Variants in DCAF6 observed in about 807,000 individuals in gnomAD.
DCAF6 encodes DDB1- and CUL4-associated factor 6.
A neutral mutation model predicts 125.1 loss-of-function variants in DCAF6; 54 were observed. The ratio of observed to expected loss-of-function variants is 0.43; its 90% CI spans 0.35 to 0.54. DCAF6 has a LOEUF of 0.54. Ranked by LOEUF, DCAF6 falls within the 20% of genes least tolerant of loss-of-function variation. The probability of loss-of-function intolerance (pLI) is 0.01; values close to 1 mark genes in which losing one functional copy is unlikely to be tolerated. For missense variants in DCAF6, 934 were observed against 1,161.7 expected (o/e 0.80, Z 2.85); for synonymous variants, 371 against 390.4 (o/e 0.95, Z 0.58).
intron 12 of DCAF6, 140 bp downstream of exon 12, chr1:168,023,187 A>ACCACCTATTGTAATTT: frequency 2.4e-6 from 2 of 848,126 alleles, no homozygotes; most frequent in Non-Finnish European, 3.8e-6. Context: ...AAATTACAAT[A>ACCACCTATTGTAATTT]GGTGGTATTG....
intron 1 of DCAF6, among the ~76,000 whole-genome samples, chr1:167,946,247 C>T (rs528902740): frequency 9.2e-5 from 14 of 152,124 alleles, no homozygotes; most frequent in African/African-American, 2.9e-4. Flanking sequence ...TGAGCTACCG[C>T]GCCTGGCAAA....
At chr1:167,995,781 G>A (rs1681581138) in intron 7 of DCAF6, among the ~76,000 whole-genome samples, 1 of 151,836 alleles carries the variant, frequency 6.6e-6, no homozygotes, top group African/African-American at 2.4e-5. Flanking sequence ...ACACATTTTG[G>A]TGTTTTATAC....
chr1:167,977,082 T>C (rs1335604564), intron 4 of DCAF6, among the ~76,000 whole-genome samples: 1 of 151,316 alleles, frequency 6.6e-6, no homozygotes. Flanking sequence ...TGTATTTTTT[T>C]TAGGAGAGAT....
At chr1:167,945,262 T>C (rs1171673799) in intron 1 of DCAF6, among the ~76,000 whole-genome samples, 1 of 152,182 alleles carries the variant, frequency 6.6e-6, no homozygotes, top group Non-Finnish European at 1.5e-5. Flanking sequence ...TGCAAAAAAT[T>C]AACTTGGTAT....
At chr1:167,972,739 A>G (rs1677528050) in intron 3 of DCAF6, among the ~76,000 whole-genome samples, 4 of 152,206 alleles carry the variant, frequency 2.6e-5, no homozygotes, top group Non-Finnish European at 5.9e-5. Flanking sequence ...GATCAACTGT[A>G]TGGGTGGATA....
chr1:168,033,339 C>T (rs1340255270), intron 12 of DCAF6, among the ~76,000 whole-genome samples: 2 of 135,478 alleles, frequency 1.5e-5, no homozygotes, highest in African/African-American at 5.7e-5. Context: ...GACGGAGTCT[C>T]GCTCTGTCGC....
chr1:167,953,503 T>G (rs1468421812), intron 2 of DCAF6, among the ~76,000 whole-genome samples: 2 of 152,252 alleles, frequency 1.3e-5, no homozygotes, highest in Non-Finnish European at 2.9e-5. Context: ...CACAAATTTA[T>G]TTTTTAAATT....
the DCAF6 span, among the ~76,000 whole-genome samples, chr1:167,899,914 C>T: frequency 6.6e-6 from 1 of 152,178 alleles, no homozygotes; most frequent in Admixed American, 6.5e-5. Flanking sequence ...ACCTTTTCTT[C>T]AATTATGTAT....
the DCAF6 span, chr1:167,878,603 T>A: frequency 3.1e-6 from 5 of 1,614,042 alleles, no homozygotes; most frequent in African/African-American, 6.7e-5. Context: ...TACATCATCA[T>A]CCTGGCAGCT....
intron 21 of DCAF6, among the ~76,000 whole-genome samples, chr1:168,072,628 G>A (rs1693256893): frequency 6.6e-6 from 1 of 152,050 alleles, no homozygotes; most frequent in Non-Finnish European, 1.5e-5. Flanking sequence ...CATAGTAGTT[G>A]CTTAACAAAT....
chr1:167,885,580 G>A, the DCAF6 span, among the ~76,000 whole-genome samples: 6 of 151,796 alleles, frequency 4.0e-5, no homozygotes, highest in Admixed American at 6.6e-5. Flanking sequence ...TCACATACTT[G>A]TTTGCCATTT....
chr1:167,958,362 G>A (rs1010380328), intron 2 of DCAF6, among the ~76,000 whole-genome samples: 17 of 149,712 alleles, frequency 1.1e-4, no homozygotes, highest in African/African-American at 3.7e-4. Flanking sequence ...TTTTGGTGGC[G>A]ATTATCTAGT....
In DCAF6 at chr1:168,063,710, G is replaced by A. The variant is rs1691908021; in HGVS notation, c.2390G>A (p.Arg797Lys). 4 of 1,604,732 alleles carry A rather than the reference G, an allele frequency of 2.5e-6. No individual in the cohort carries two copies. Among genetic ancestry groups the A allele is most frequent in the African/African-American group, 1.4e-5 (1 of 74,014 alleles). Residue 797 changes from arginine (R) to lysine (K), a missense_variant, in exon 18 of 22, where the codon AGG becomes AAG. Coordinates refer to ENST00000367840, the MANE Select transcript of DCAF6 (RefSeq NM_001198956.2). ...MEELDTLNIR[R>K]PLVKMVYKGH... is the part of the protein sequence containing the mutation. ...GAATTGGATACTTTGAACATTAGAAGGCCGCTAGTAAAAATGGTTTATAAA... is the reference window on the plus strand; with the variant it reads ...GAATTGGATACTTTGAACATTAGAAAGCCGCTAGTAAAAATGGTTTATAAA...
chr1:167,981,075 T>G (rs1053006523), intron 4 of DCAF6, among the ~76,000 whole-genome samples: 17 of 151,674 alleles, frequency 1.1e-4, no homozygotes, highest in Admixed American at 1.1e-3. Flanking sequence ...CCCGGCTAAT[T>G]TTTTGTATTT....
the DCAF6 span, among the ~76,000 whole-genome samples, chr1:167,926,903 C>T: frequency 6.6e-6 from 1 of 152,076 alleles, no homozygotes; most frequent in Admixed American, 6.5e-5. Context: ...CCTTAAAAAA[C>T]AAACAAAAAA....
rs552606905 is a variant in DCAF6, at chr1:167,963,162, G to A, written c.160-3467G>A. Among the ~76,000 whole-genome samples the A allele has an allele frequency of 2.6e-5, 4 of 152,194 alleles. No homozygotes were observed. In the East Asian group the frequency reaches 7.7e-4, roughly 29 times the overall value. On this transcript the variant is annotated intron_variant, in intron 2 of 21. Coordinates refer to ENST00000367840, the MANE Select transcript of DCAF6 (RefSeq NM_001198956.2). ...ACCTGTAATCCCAGCTACTCGGGAG[G>A]CTGAGGCGGGAGAATCGCTTGAACT...
the DCAF6 span, among the ~76,000 whole-genome samples, chr1:167,888,464 G>A: frequency 2.6e-5 from 4 of 151,518 alleles, no homozygotes; most frequent in East Asian, 7.7e-4. Context: ...TAGTTTTCAC[G>A]GTAGAGATCT....
intron 2 of DCAF6, among the ~76,000 whole-genome samples, chr1:167,958,828 C>G (rs995931761): frequency 6.6e-6 from 1 of 152,196 alleles, no homozygotes; most frequent in Non-Finnish European, 1.5e-5. Context: ...CCATTATCAA[C>G]ATCTTCCACC....
chr1:167,938,538 A>G (rs958577595), intron 1 of DCAF6, among the ~76,000 whole-genome samples: 5 of 152,224 alleles, frequency 3.3e-5, no homozygotes, highest in Admixed American at 2.0e-4. Flanking sequence ...TAGAGTGGTG[A>G]TTAATCATTT....
Sources: allele counts gnomAD v4.1 joint callset (sites outside exome capture counted in the v4.1 genomes callset), GRCh38; gene constraint gnomAD v4.1.1; transcripts MANE v1.5; gene names NCBI Gene and HGNC (gene_info 2026-07-23, HGNC 2026-07-21).